Variants in FAF1 observed in about 807,000 individuals in gnomAD.
FAF1 encodes the protein Fas associated factor 1, also known as FAS-associated factor 1.
Under a neutral mutation model 92.5 loss-of-function variants are expected in FAF1, and 25 were observed. The observed-to-expected ratio is 0.27, with a 90% CI of 0.20 to 0.38. The LOEUF is 0.38. Among genes scored for constraint, FAF1 ranks in the 10% least tolerant of loss-of-function variants. The probability of loss-of-function intolerance (pLI) is 1.00; values close to 1 mark genes in which losing one functional copy is unlikely to be tolerated. For synonymous variants in FAF1, 234 were observed against 273.2 expected, an observed-to-expected ratio of 0.86 and a Z score of 1.42; for missense variants, 636 against 793.3, an observed-to-expected ratio of 0.80 and a Z score of 2.38.
intron 15 of FAF1, among the ~76,000 whole-genome samples, chr1:50,514,850 T>TA (rs1257662888): frequency 6.6e-6 from 1 of 152,184 alleles, no homozygotes. Context: ...GAGTTTATGT[T>TA]AAGGCTAAAC....
At chr1:50,539,195 T>G (rs186168289) in intron 14 of FAF1, among the ~76,000 whole-genome samples, 1 of 152,214 alleles carries the variant, frequency 6.6e-6, no homozygotes, top group South Asian at 2.1e-4. Flanking sequence ...AAATTCAATC[T>G]TCAATATACA....
chr1:50,576,259 C>T lies in FAF1; in HGVS notation c.1113+6359G>A, dbSNP rs370829670. Among the ~76,000 whole-genome samples the T allele has an allele frequency of 1.8e-4, 28 of 152,220 alleles. No homozygotes were observed. In the East Asian group the frequency reaches 5.2e-3, roughly 28 times the overall value. On this transcript the variant is annotated intron_variant, in intron 12 of 18. Transcript: ENST00000396153. The stretch of plus-strand genomic sequence containing the variant: ...AATACTATCATCATCATGTTTTTTC[C>T]ATATTAGACATAGGCTCATTACTTG...
At chr1:50,696,456 A>G (rs58029717) in intron 7 of FAF1, among the ~76,000 whole-genome samples, 10,045 of 152,220 alleles carry the variant, frequency 0.066, 411 homozygotes, top group East Asian at 0.093. Context: ...CAACCCCAAC[A>G]AACATTTGCC....
chr1:50,950,987 T>C (rs1457354274), intron 1 of FAF1, among the ~76,000 whole-genome samples: 2 of 152,190 alleles, frequency 1.3e-5, no homozygotes, highest in East Asian at 3.8e-4. Flanking sequence ...TCCCAGCACT[T>C]TGGGAGGCCG....
chr1:50,789,197 C>T (rs1329111055), intron 3 of FAF1, among the ~76,000 whole-genome samples: 1 of 152,214 alleles, frequency 6.6e-6, no homozygotes, highest in Non-Finnish European at 1.5e-5. Context: ...GTATCTTTGA[C>T]ATCTCTTTCT....
At chr1:50,785,132 CAA>C (rs748061344) in intron 4 of FAF1, among the ~76,000 whole-genome samples, 5 of 59,132 alleles carry the variant, frequency 8.5e-5, no homozygotes, top group African/African-American at 1.9e-4. Flanking sequence ...GACCCTATCT[CAA>C]AAAAAAAAAA....
At chr1:50,453,680 C>A (rs1646320081) in intron 18 of FAF1, among the ~76,000 whole-genome samples, 1 of 152,160 alleles carries the variant, frequency 6.6e-6, no homozygotes. Flanking sequence ...CAAACCTATA[C>A]CCAAAATTCC....
intron 6 of FAF1, among the ~76,000 whole-genome samples, chr1:50,729,058 A>ATTTTTTTTT (rs1195852048): frequency 7.0e-4 from 49 of 70,108 alleles, no homozygotes; most frequent in African/African-American, 2.5e-3. Flanking sequence ...ATATATATAT[A>ATTTTTTTTT]TTTTTTTTTT....
intron 4 of FAF1, among the ~76,000 whole-genome samples, chr1:50,764,555 T>A (rs1330324935): frequency 2.6e-5 from 4 of 152,174 alleles, no homozygotes; most frequent in African/African-American, 9.7e-5. Flanking sequence ...TGGACTGTTG[T>A]ATAGAAATTT....
intron 8 of FAF1, among the ~76,000 whole-genome samples, chr1:50,645,353 AG>A (rs1654531773): frequency 6.6e-6 from 1 of 152,262 alleles, no homozygotes; most frequent in Non-Finnish European, 1.5e-5. Flanking sequence ...CTCAAGGGAA[AG>A]AGAGTTAATG....
chr1:50,911,231 C>G (rs1644883207), intron 1 of FAF1, among the ~76,000 whole-genome samples: 1 of 151,598 alleles, frequency 6.6e-6, no homozygotes, highest in Admixed American at 6.6e-5. Context: ...ACCACCATAC[C>G]CAGCTAATTT....
intron 6 of FAF1, among the ~76,000 whole-genome samples, chr1:50,715,176 C>T (rs569427768): frequency 1.3e-5 from 2 of 152,302 alleles, no homozygotes; most frequent in South Asian, 4.1e-4. Context: ...GTCCCTGGGG[C>T]TCCAGTGTTA....
chr1:50,701,402 C>CAAA (rs34415491), intron 7 of FAF1, among the ~76,000 whole-genome samples: 1 of 151,220 alleles, frequency 6.6e-6, no homozygotes, highest in Non-Finnish European at 1.5e-5. Context: ...ACAAACAAAC[C>CAAA]AAAAAAAACA....
intron 8 of FAF1, among the ~76,000 whole-genome samples, chr1:50,650,861 T>A (rs866735002): frequency 3.9e-5 from 6 of 152,220 alleles, no homozygotes; most frequent in African/African-American, 1.4e-4. Context: ...AGCTGAACTG[T>A]CACAGCATGA....
intron 3 of FAF1, among the ~76,000 whole-genome samples, chr1:50,790,447 T>A (rs1164570124): frequency 6.6e-6 from 1 of 152,188 alleles, no homozygotes; most frequent in Admixed American, 6.5e-5. Context: ...GCTTTATTTG[T>A]GTTTTTAATG....
chr1:50,939,902 CT>C (rs1292454401), intron 1 of FAF1, among the ~76,000 whole-genome samples: 1 of 151,982 alleles, frequency 6.6e-6, no homozygotes, highest in African/African-American at 2.4e-5. Flanking sequence ...AATAAAAGTA[CT>C]TTTTTATTTT....
intron 2 of FAF1, among the ~76,000 whole-genome samples, chr1:50,843,478 G>A (rs1165686245): frequency 6.6e-6 from 1 of 151,988 alleles, no homozygotes; most frequent in Non-Finnish European, 1.5e-5. Context: ...CAGAACATCA[G>A]AACTTATTCC....
intron 6 of FAF1, among the ~76,000 whole-genome samples, chr1:50,713,155 CAA>C (rs371395514): frequency 2.2e-3 from 100 of 46,506 alleles, no homozygotes; most frequent in African/African-American, 6.8e-3. Flanking sequence ...GCCAGACCCT[CAA>C]AAAAAAAAAA....
At chr1:50,801,844 CA>C (rs1454212483) in intron 2 of FAF1, among the ~76,000 whole-genome samples, 167 bp from the exon 3 acceptor site, 1 of 152,082 alleles carries the variant, frequency 6.6e-6, no homozygotes, top group African/African-American at 2.4e-5. Flanking sequence ...CTATATTTCT[CA>C]GTTATAAAAT....
Sources: gnomAD v4.1 joint callset for allele counts (sites outside exome capture counted in the v4.1 genomes callset) on GRCh38, gnomAD v4.1.1 for gene constraint, MANE v1.5 for transcripts, NCBI Gene and HGNC (gene_info 2026-07-23, HGNC 2026-07-21) for gene names.